Variants in BBS9 observed in about 807,000 individuals in gnomAD.
BBS9 encodes protein PTHB1.
BBS9 carries 89 observed loss-of-function variants against 117.7 expected under a neutral mutation model. The ratio of observed to expected loss-of-function variants is 0.76; its 90% confidence interval spans 0.64 to 0.90. The LOEUF is 0.90. Ranked by LOEUF, BBS9 falls within the 40% of genes least tolerant of loss-of-function variation. BBS9 has a pLI of 0.00. For synonymous variants in BBS9, 379 were observed against 370.9 expected, an observed-to-expected ratio of 1.02 and a Z score of -0.25; for missense variants, 982 against 1,042.2, an observed-to-expected ratio of 0.94 and a Z score of 0.80.
chr7:33,347,591 T>C (rs1476194871), intron 12 of BBS9, among the ~76,000 whole-genome samples: 3 of 152,072 alleles, frequency 2.0e-5, no homozygotes, highest in Non-Finnish European at 4.4e-5. Flanking sequence ...TTAAAAATTT[T>C]CCTTTGCAAG....
intron 21 of BBS9, among the ~76,000 whole-genome samples, chr7:33,555,464 A>G (rs1433634515): frequency 6.6e-6 from 1 of 152,216 alleles, no homozygotes; most frequent in East Asian, 1.9e-4. Flanking sequence ...CAGATACTCA[A>G]TTACAAAATG....
chr7:33,262,035 A>G (rs1040185054), intron 6 of BBS9, among the ~76,000 whole-genome samples: 1 of 152,222 alleles, frequency 6.6e-6, no homozygotes, highest in Non-Finnish European at 1.5e-5. Flanking sequence ...AGATTTTTAC[A>G]TACTTTATTG....
intron 12 of BBS9, among the ~76,000 whole-genome samples, chr7:33,348,833 A>G (rs1818082901): frequency 6.6e-6 from 1 of 152,174 alleles, no homozygotes; most frequent in Non-Finnish European, 1.5e-5. Flanking sequence ...GCATCTTTGC[A>G]TGTACATATT....
chr7:33,165,815 A>G (rs1347865152), intron 4 of BBS9, among the ~76,000 whole-genome samples: 1 of 151,982 alleles, frequency 6.6e-6, no homozygotes, highest in East Asian at 1.9e-4. Context: ...GTTATTACCG[A>G]CCTTCTGAAG....
rs1220593234 is a variant in BBS9 at position 33,505,577 on chromosome 7, C to G, written c.2230C>G (p.Leu744Val). The change falls in exon 20 of 23, where the codon CTT (leucine) becomes GTT (valine). Residue 744 changes from leucine (L) to valine (V), a missense_variant. Physicochemically the swap from Leu to Val is conservative, Grantham distance 32. Coordinates refer to ENST00000242067, the MANE Select transcript of BBS9 (RefSeq NM_198428.3). ...VILLIALWQK[L>V]SADQVAILEA... is the part of the protein sequence containing the mutation. ...TCTGCTGATCGCGCTGTGGCAGAAGCTTAGTGCTGACCAGGTTGCTATTCT... is the reference window on the plus strand; with the variant it reads ...TCTGCTGATCGCGCTGTGGCAGAAGGTTAGTGCTGACCAGGTTGCTATTCT... The G allele has an allele frequency of 6.2e-7, 1 of 1,614,022 alleles. No individual in the cohort carries two copies. The highest frequency in any genetic ancestry group is 8.5e-7 in the Non-Finnish European group (1 of 1,180,004).
At chr7:33,164,225 T>C (rs535625445) in intron 4 of BBS9, among the ~76,000 whole-genome samples, 1 of 152,346 alleles carries the variant, frequency 6.6e-6, no homozygotes, top group South Asian at 2.1e-4. Flanking sequence ...TTCTTTTGCA[T>C]TTGCTGAGGA....
intron 4 of BBS9, among the ~76,000 whole-genome samples, chr7:33,169,421 C>T (rs1394196822): frequency 1.3e-5 from 2 of 151,418 alleles, no homozygotes; most frequent in African/African-American, 2.4e-5. Flanking sequence ...GTTTACAGTC[C>T]CACCAACAGT....
intron 15 of BBS9, among the ~76,000 whole-genome samples, chr7:33,356,936 G>A (rs1819711611): frequency 6.6e-6 from 1 of 151,720 alleles, no homozygotes; most frequent in Non-Finnish European, 1.5e-5. Flanking sequence ...CACGGCATAG[G>A]CTTCTATATA....
chr7:33,386,181 A>G (rs1563099832), intron 18 of BBS9, among the ~76,000 whole-genome samples: 1 of 152,178 alleles, frequency 6.6e-6, no homozygotes, highest in Non-Finnish European at 1.5e-5. Context: ...ACTGAAGGGT[A>G]AATAAAGACA....
At chr7:33,400,638 C>T (rs1248824328) in intron 19 of BBS9, among the ~76,000 whole-genome samples, 1 of 152,032 alleles carries the variant, frequency 6.6e-6, no homozygotes, top group African/African-American at 2.4e-5. Flanking sequence ...TGTGATCTTT[C>T]TCAGCAAAAG....
intron 21 of BBS9, among the ~76,000 whole-genome samples, chr7:33,563,601 G>T (rs987559337): frequency 6.6e-6 from 1 of 152,172 alleles, no homozygotes; most frequent in Non-Finnish European, 1.5e-5. Context: ...TGCTGCCAAA[G>T]AAATAGTGTG....
At chr7:33,527,279 G>T (rs1435373568) in intron 20 of BBS9, among the ~76,000 whole-genome samples, 2 of 152,232 alleles carry the variant, frequency 1.3e-5, no homozygotes, top group African/African-American at 4.8e-5. Context: ...GCTCCCCCCA[G>T]TTCGAGCTTC....
chr7:33,395,824 A>T (rs1827860776), intron 19 of BBS9, among the ~76,000 whole-genome samples: 1 of 152,172 alleles, frequency 6.6e-6, no homozygotes, highest in Non-Finnish European at 1.5e-5. Flanking sequence ...GGCTGATAAC[A>T]CAGAGGAATA....
chr7:33,548,410 A>G (rs1226247545), intron 21 of BBS9, among the ~76,000 whole-genome samples: 1 of 151,690 alleles, frequency 6.6e-6, no homozygotes, highest in African/African-American at 2.4e-5. Context: ...GGTTAGTTAC[A>G]TATGTATACA....
At chr7:33,134,214 T>TG (rs1790091136) in intron 1 of BBS9, among the ~76,000 whole-genome samples, 1 of 121,932 alleles carries the variant, frequency 8.2e-6, no homozygotes, top group African/African-American at 3.4e-5. Flanking sequence ...CACGCCTGGC[T>TG]ATTTTTTTTT....
intron 19 of BBS9, among the ~76,000 whole-genome samples, chr7:33,411,853 A>G (rs187056987): frequency 1.1e-4 from 16 of 152,296 alleles, no homozygotes; most frequent in Admixed American, 3.3e-4. Context: ...GAGGAGGTAT[A>G]TAAAGATGTT....
intron 18 of BBS9, among the ~76,000 whole-genome samples, chr7:33,386,071 G>GT (rs1825952355): frequency 6.6e-6 from 1 of 151,938 alleles, no homozygotes; most frequent in African/African-American, 2.4e-5. Flanking sequence ...CATGGCACAT[G>GT]TATACATATG....
intron 5 of BBS9, among the ~76,000 whole-genome samples, chr7:33,247,549 ACT>A (rs745812953): frequency 1.3e-4 from 19 of 151,280 alleles, no homozygotes; most frequent in Non-Finnish European, 1.9e-4. Flanking sequence ...TGCTTGGGAA[ACT>A]CTTTCTCAAC....
intron 6 of BBS9, among the ~76,000 whole-genome samples, chr7:33,260,242 T>TC (rs1797759758): frequency 6.6e-6 from 1 of 152,076 alleles, no homozygotes; most frequent in Non-Finnish European, 1.5e-5. Flanking sequence ...GCTCAGGCAG[T>TC]CTGCCCGCCT....
Sources: allele counts gnomAD v4.1 joint callset (sites outside exome capture counted in the v4.1 genomes callset), GRCh38; gene constraint gnomAD v4.1.1; transcripts MANE v1.5; gene names NCBI Gene and HGNC (gene_info 2026-07-23, HGNC 2026-07-21).